POLA2: variants seen among roughly 807,000 people sequenced by gnomAD.
POLA2 encodes DNA polymerase alpha subunit B.
A neutral mutation model predicts 82.8 loss-of-function variants in POLA2; 47 were observed. The ratio of observed to expected loss-of-function variants is 0.57; its 90% CI spans 0.45 to 0.72. The LOEUF (loss-of-function observed/expected upper bound fraction) is 0.72, where lower values mean the gene tolerates loss of function less well. POLA2 is among the 30% of genes least tolerant of loss of function. The pLI, the probability that POLA2 is intolerant of heterozygous loss-of-function variation, is 0.00. For synonymous variants in POLA2, 287 were observed against 286.8 expected, an observed-to-expected ratio of 1.00 and a Z score of -0.01; for missense variants, 634 against 728.1, an observed-to-expected ratio of 0.87 and a Z score of 1.49.
chr11:65,297,137 C>T lies in POLA2; in HGVS notation c.1665C>T (p.Val555=). The T allele has an allele frequency of 1.2e-6, 2 of 1,614,096 alleles. No homozygotes were observed. The highest frequency in any genetic ancestry group is 1.7e-6 in the Non-Finnish European group (2 of 1,180,008). Residue 555 remains valine, a synonymous_variant, in exon 18 of 18, where the codon GTC becomes GTT. Transcript: ENST00000265465. The part of the protein sequence containing the change: ...RYFVKDVLGC[V]CVNPGRLTKG... Reference sequence around the variant, plus strand: ...CTCCCCAGGATGTCCTCGGCTGTGTCTGTGTGAACCCTGGGCGCCTTACCA... The same window carrying T: ...CTCCCCAGGATGTCCTCGGCTGTGTTTGTGTGAACCCTGGGCGCCTTACCA...
intron 5 of POLA2, among the ~76,000 whole-genome samples, chr11:65,276,990 C>T (rs1053548976): frequency 6.6e-6 from 1 of 151,710 alleles, no homozygotes; most frequent in African/African-American, 2.4e-5. Flanking sequence ...GAGGTTTCGC[C>T]TGTTGGCCAG....
At chr11:65,285,737 G>C (rs1355658386) in intron 10 of POLA2, among the ~76,000 whole-genome samples, 1 of 152,164 alleles carries the variant, frequency 6.6e-6, no homozygotes, top group Non-Finnish European at 1.5e-5. Context: ...CAGTTTAACA[G>C]GTTGTTAATG....
chr11:65,295,764 G>A, intron 16 of POLA2, 100 bp from the exon 17 acceptor site: 2 of 1,475,110 alleles, frequency 1.4e-6, no homozygotes, highest in South Asian at 2.3e-5. Flanking sequence ...AAGTCGGTCT[G>A]TGGATGCCAG....
chr11:65,279,291 G>A (rs1177658023), intron 6 of POLA2, among the ~76,000 whole-genome samples: 1 of 152,106 alleles, frequency 6.6e-6, no homozygotes. Flanking sequence ...AGATGGGGTG[G>A]GGTTCATGCT....
At chr11:65,289,926 C>T (rs1949737031) in intron 13 of POLA2, 54 bp downstream of exon 13, 1 of 1,199,698 alleles carries the variant, frequency 8.3e-7, no homozygotes, top group Non-Finnish European at 1.2e-6. Flanking sequence ...TTCTCCAGAG[C>T]TTCCCATTAA....
At chr11:65,269,291 G>A (rs1257668924) in intron 4 of POLA2, among the ~76,000 whole-genome samples, 1 of 152,066 alleles carries the variant, frequency 6.6e-6, no homozygotes, top group Non-Finnish European at 1.5e-5. Flanking sequence ...GACCATCCTG[G>A]TTAACATGGT....
Position 65,287,758 on chromosome 11 carries a change from C to T in POLA2, c.1049C>T (p.Thr350Ile). The T allele has an allele frequency of 1.2e-6, 2 of 1,613,770 alleles. No individual in the cohort carries two copies. Among genetic ancestry groups the T allele is most frequent in the Non-Finnish European group, 1.7e-6 (2 of 1,179,754 alleles). Reference protein sequence around the residue: ...SMVLVACGPYTTSDSITYDPL... With the variant: ...SMVLVACGPYITSDSITYDPL... ...GTCCTGGTTGCCTGTGGACCATACA[C>T]CACATCTGACAGCATCACGTATGAC... Residue 350 changes from threonine to isoleucine, a missense_variant, in exon 11 of 18, where the codon ACC becomes ATC. Thr to Ile is a moderately conservative substitution (Grantham distance 89, BLOSUM62 -1). Transcript: ENST00000265465.
chr11:65,270,147 TACTA>T (rs532891803), intron 4 of POLA2, among the ~76,000 whole-genome samples: 69 of 152,320 alleles, frequency 4.5e-4, no homozygotes, highest in African/African-American at 1.6e-3. Flanking sequence ...TTATTCTTTA[TACTA>T]ACTAAATAAA....
intron 4 of POLA2, among the ~76,000 whole-genome samples, chr11:65,272,942 C>T (rs111791602): frequency 0.011 from 1,594 of 150,364 alleles, 24 homozygotes; most frequent in African/African-American, 0.036. Context: ...TGAACAGAGG[C>T]GGAGGTTGCA....
At position 65,297,592 on chromosome 11, in the gene POLA2, T is replaced by C. The variant is rs1239911901; in HGVS notation, c.*323T>C. On this transcript the variant is annotated 3_prime_UTR_variant, in exon 18 of 18. Transcript: ENST00000265465. ...CATGAATCAAACACAGAAACAACTT[T>C]TGGAGAAATTAAATTCTGAGTGTGA... 9.3e-6 allele frequency: 2 copies of C among 214,916 alleles called. No individual in the cohort carries two copies. The highest frequency in any genetic ancestry group is 4.6e-5 in the African/African-American group (2 of 43,662). 13.3% of individuals were successfully genotyped at this position (214,916 alleles called of 1,614,324 possible).
At chr11:65,305,351 C>A (rs1949881539) in intron 8 of POLA2, 1 of 456,192 alleles carries the variant, frequency 2.2e-6, no homozygotes, top group Middle Eastern at 3.3e-4. Flanking sequence ...TAACTACACC[C>A]AAATTCCTTT....
intron 10 of POLA2, among the ~76,000 whole-genome samples, chr11:65,286,536 C>T (rs148219770): frequency 4.9e-4 from 75 of 151,968 alleles, no homozygotes; most frequent in African/African-American, 1.7e-3. Flanking sequence ...TCAGGAGGTA[C>T]GCACCACTCT....
At chr11:65,280,177 A>C (rs937218524) in intron 7 of POLA2, among the ~76,000 whole-genome samples, 1 of 152,242 alleles carries the variant, frequency 6.6e-6, no homozygotes, top group Non-Finnish European at 1.5e-5. Context: ...GTTTACATTC[A>C]AAGAATGATC....
At chr11:65,287,888 C>G (rs764271458) in intron 11 of POLA2, 48 bp downstream of exon 11, 3 of 1,580,252 alleles carry the variant, frequency 1.9e-6, no homozygotes, top group Non-Finnish European at 2.6e-6. Flanking sequence ...TGGAAAATGG[C>G]TTTAATGAAG....
chr11:65,304,314 C>G (rs1363612576), intron 8 of POLA2, among the ~76,000 whole-genome samples: 1 of 150,078 alleles, frequency 6.7e-6, no homozygotes, highest in Admixed American at 6.6e-5. Context: ...CACCCACCCA[C>G]TCATCCATCC....
chr11:65,290,676 G>A (rs1279047297), intron 13 of POLA2, among the ~76,000 whole-genome samples: 2 of 152,120 alleles, frequency 1.3e-5, no homozygotes, highest in African/African-American at 4.8e-5. Flanking sequence ...GGCTGCATCG[G>A]CTCTCACTCT....
At chr11:65,284,032 G>C (rs988802902) in intron 10 of POLA2, among the ~76,000 whole-genome samples, 3 of 151,910 alleles carry the variant, frequency 2.0e-5, no homozygotes, top group African/African-American at 7.3e-5. Flanking sequence ...TGCTCAGGAG[G>C]CTGAGGTGCG....
In POLA2 at chr11:65,297,499, T is replaced by TTCCCA; in HGVS notation, c.*230_*231insTCCCA. On this transcript the variant is annotated 3_prime_UTR_variant, in exon 18 of 18. Coordinates refer to ENST00000265465, the MANE Select transcript of POLA2 (RefSeq NM_002689.4). Reference sequence around the variant, plus strand: ...CTCTTGCTTCTCAGTCCATGCTCCGTGTCCAGAAGTAAGCCAGCTGTGGAT... The same window carrying TTCCCA: ...CTCTTGCTTCTCAGTCCATGCTCCGTTCCCAGTCCAGAAGTAAGCCAGCTGTGGAT... 1 of 396,602 alleles carries TTCCCA rather than the reference T, an allele frequency of 2.5e-6. No individual in the cohort carries two copies. 24.6% of individuals were successfully genotyped at this position (396,602 alleles called of 1,614,324 possible).
chr11:65,287,783 C>G lies in POLA2; in HGVS notation c.1074C>G (p.Asp358Glu). The change falls in exon 11 of 18, where the codon GAC becomes GAG. Residue 358 changes from aspartate to glutamate, a missense_variant. Coordinates refer to ENST00000265465, the MANE Select transcript of POLA2 (RefSeq NM_002689.4). The part of the protein sequence containing the change: ...PYTTSDSITY[D>E]PLLDLIAVIN... ...CCACATCTGACAGCATCACGTATGA[C>G]CCCCTGCTTGACCTGATTGCTGTCA... The G allele has an allele frequency of 1.2e-6, 2 of 1,613,818 alleles. No homozygotes were observed. The highest frequency in any genetic ancestry group is 1.7e-6 in the Non-Finnish European group (2 of 1,179,852).
Sources: allele counts gnomAD v4.1 joint callset (sites outside exome capture counted in the v4.1 genomes callset), GRCh38; gene constraint gnomAD v4.1.1; transcripts MANE v1.5; gene names NCBI Gene and HGNC (gene_info 2026-07-23, HGNC 2026-07-21).